NLRP3: variants seen among roughly 807,000 people sequenced by gnomAD.
NLRP3 encodes the protein NACHT, LRR and PYD domains-containing protein 3.
NLRP3 carries 48 observed loss-of-function variants against 91.3 expected under a neutral mutation model. The observed-to-expected ratio is 0.53, with a 90% CI of 0.42 to 0.67. The LOEUF (loss-of-function observed/expected upper bound fraction) is 0.67, where lower values mean the gene tolerates loss of function less well. Ranked by LOEUF, NLRP3 falls within the 30% of genes least tolerant of loss-of-function variation. The pLI, the probability that NLRP3 is intolerant of heterozygous loss-of-function variation, is 0.00. For missense variants in NLRP3, 982 were observed against 1,276.9 expected, an observed-to-expected ratio of 0.77 and a Z score of 3.52; for synonymous variants, 561 against 507.9, an observed-to-expected ratio of 1.10 and a Z score of -1.41.
At chr1:247,419,341 G>A (rs1203175423) in intron 2 of NLRP3, among the ~76,000 whole-genome samples, 1 of 151,922 alleles carries the variant, frequency 6.6e-6, no homozygotes, top group Non-Finnish European at 1.5e-5. Context: ...TTTTAGTAGA[G>A]ATGGGGTTTC....
chr1:247,423,923 G>T lies in NLRP3; in HGVS notation c.474G>T (p.Glu158Asp), dbSNP rs1402076908. The change falls in exon 4 of 10, where the codon GAG becomes GAT. Residue 158 changes from glutamate (E) to aspartate (D), a missense_variant. Physicochemically the swap from Glu to Asp is conservative, Grantham distance 45. Around this residue, in one of 5 missense-constraint regions of NLRP3, gnomAD observed 548 missense variants for 713.7 expected, o/e 0.77. Coordinates refer to ENST00000336119, the MANE Select transcript of NLRP3 (RefSeq NM_001243133.2). ...CIEDRNARLG[E>D]SVSLNKRYTR... ...AAGACAGGAATGCCCGTCTGGGTGA[G>T]AGTGTGAGCCTCAACAAACGCTACA... The T allele has an allele frequency of 6.2e-7, 1 of 1,614,056 alleles. No individual in the cohort carries two copies. The highest frequency in any genetic ancestry group is 1.7e-5 in the Admixed American group (1 of 59,996).
intron 5 of NLRP3, among the ~76,000 whole-genome samples, chr1:247,431,327 G>C (rs377356107): frequency 6.6e-6 from 1 of 152,284 alleles, no homozygotes; most frequent in South Asian, 2.1e-4. Context: ...GCATGCAGGC[G>C]TCTGCATTTT....
intron 9 of NLRP3, among the ~76,000 whole-genome samples, chr1:247,448,055 G>C (rs998318732): frequency 6.6e-6 from 1 of 151,712 alleles, no homozygotes; most frequent in Non-Finnish European, 1.5e-5. Flanking sequence ...GCCGTGGGAG[G>C]GGCCTCCTCT....
Position 247,418,597 on chromosome 1 carries a change from C to A in NLRP3, c.-204C>A. The A allele has an allele frequency of 1.6e-6, 1 of 643,078 alleles. No individual in the cohort carries two copies. Among genetic ancestry groups the A allele is most frequent in the Non-Finnish European group, 2.7e-6 (1 of 375,432 alleles). The allele number at this position is 643,078 out of a possible 1,614,324, so 39.8% of individuals were successfully genotyped here. ...GATTACAGGCGTGAGCCACTGTGCC[C>A]GGCCTTGGCTAACTTTTCAAAATTA... On this transcript the variant is annotated 5_prime_UTR_variant, in exon 2 of 10. Transcript: ENST00000336119.
intron 4 of NLRP3, among the ~76,000 whole-genome samples, 166 bp from the exon 5 acceptor site, chr1:247,429,419 T>C (rs549064763): frequency 2.0e-5 from 3 of 152,340 alleles, no homozygotes; most frequent in Admixed American, 1.3e-4. Context: ...CCAAGGCTCA[T>C]CCAGCCCTCT....
intron 2 of NLRP3, 120 bp downstream of exon 2, chr1:247,419,197 C>T (rs1662281066): frequency 6.4e-6 from 4 of 623,650 alleles, no homozygotes; most frequent in Non-Finnish European, 2.2e-6. Flanking sequence ...TCTTGTTGCC[C>T]AGGCTGGAGT....
intron 7 of NLRP3, 132 bp from the exon 8 acceptor site, chr1:247,443,840 T>C: frequency 2.4e-6 from 2 of 830,712 alleles, no homozygotes; most frequent in Non-Finnish European, 4.0e-6. Context: ...AGATCATATC[T>C]GAGATGCTGG....
chr1:247,447,425 C>T (rs986434271), intron 9 of NLRP3, among the ~76,000 whole-genome samples: 7 of 152,172 alleles, frequency 4.6e-5, no homozygotes, highest in African/African-American at 1.7e-4. Flanking sequence ...AAGTACCGTA[C>T]ATTAGGGGTT....
chr1:247,447,962 C>T (rs912026339), intron 9 of NLRP3, among the ~76,000 whole-genome samples: 3 of 151,712 alleles, frequency 2.0e-5, no homozygotes, highest in African/African-American at 7.3e-5. Context: ...TAACATTTTC[C>T]CAACTAGATA....
Position 247,434,273 on chromosome 1 carries a change from G to T in NLRP3, c.2492G>T (p.Trp831Leu). The T allele has an allele frequency of 6.2e-7, 1 of 1,614,158 alleles. No homozygotes were observed. ...CTGTTGTGCAATCTGAAGAAGCTCT[G>T]GTGAGTCGAGCCCGTTCCCCTAAGG... ...KHLLCNLKKL[W>L]LVSCCLTSAC... The change falls in exon 6 of 10, where the codon TGG (tryptophan) becomes TTG (leucine). Residue 831 changes from tryptophan to leucine, a missense_variant and splice_region_variant. This residue lies in a region of NLRP3 where 373 missense variants were observed against 431.5 expected (regional missense o/e 0.86). Coordinates refer to ENST00000336119, the MANE Select transcript of NLRP3 (RefSeq NM_001243133.2).
intron 5 of NLRP3, among the ~76,000 whole-genome samples, chr1:247,432,765 A>G (rs930577207): frequency 6.6e-6 from 1 of 152,172 alleles, no homozygotes; most frequent in African/African-American, 2.4e-5. Flanking sequence ...ATTGCCCTGG[A>G]AAGAAGCTAG....
At chr1:247,427,118 G>A (rs1662947296) in intron 4 of NLRP3, among the ~76,000 whole-genome samples, 1 of 152,136 alleles carries the variant, frequency 6.6e-6, no homozygotes, top group Non-Finnish European at 1.5e-5. Context: ...TTTGGTGAGG[G>A]CCTGTTCCCT....
chr1:247,436,092 T>C lies in NLRP3; in HGVS notation c.2615T>C (p.Ile872Thr). The C allele has an allele frequency of 6.2e-7, 1 of 1,614,174 alleles. No homozygotes were observed. ...GCCTTGGGAGACTCAGGAGTCGCAATTTTATGTGAAAAAGCCAAGAATCCA... is the reference window on the plus strand; with the variant it reads ...GCCTTGGGAGACTCAGGAGTCGCAACTTTATGTGAAAAAGCCAAGAATCCA... ...ENALGDSGVAILCEKAKNPQC... is the reference protein window; with the variant it reads ...ENALGDSGVATLCEKAKNPQC... The change falls in exon 7 of 10, where the codon ATT becomes ACT. Residue 872 changes from isoleucine (I) to threonine (T), a missense_variant. Ile to Thr is a moderately conservative substitution (Grantham distance 89, BLOSUM62 -1). Around this residue, in one of 5 missense-constraint regions of NLRP3, gnomAD observed 373 missense variants for 431.5 expected, o/e 0.86. Transcript: ENST00000336119.
At chr1:247,432,300 A>T (rs925056468) in intron 5 of NLRP3, among the ~76,000 whole-genome samples, 15 of 119,056 alleles carry the variant, frequency 1.3e-4, no homozygotes, top group African/African-American at 4.3e-4. Context: ...TCCATGCTCT[A>T]TGGATGTTAC....
intron 5 of NLRP3, among the ~76,000 whole-genome samples, chr1:247,433,064 A>G (rs1663458598): frequency 6.6e-6 from 1 of 151,784 alleles, no homozygotes; most frequent in Non-Finnish European, 1.5e-5. Context: ...TAAAATGGCT[A>G]AGCATGGTAG....
intron 9 of NLRP3, among the ~76,000 whole-genome samples, chr1:247,446,038 C>G (rs74974762): frequency 3.9e-5 from 6 of 152,162 alleles, no homozygotes; most frequent in African/African-American, 1.4e-4. Flanking sequence ...CTCTTCTACC[C>G]GAAACCTGAT....
chr1:247,439,431 G>C (rs1436698092), intron 7 of NLRP3, among the ~76,000 whole-genome samples: 3 of 152,128 alleles, frequency 2.0e-5, no homozygotes, highest in African/African-American at 7.2e-5. Context: ...GACACATTTT[G>C]CCATTCCTTG....
At chr1:247,431,212 A>AATAATAATAATAATAAT (rs547689900) in intron 5 of NLRP3, among the ~76,000 whole-genome samples, 310 of 150,518 alleles carry the variant, frequency 2.1e-3, no homozygotes, top group African/African-American at 7.4e-3. Context: ...ATAATAATAA[A>AATAATAATAATAATAAT]AAATGTGCTT....
intron 5 of NLRP3, among the ~76,000 whole-genome samples, chr1:247,433,446 G>T (rs1663494064): frequency 6.6e-6 from 1 of 152,210 alleles, no homozygotes; most frequent in South Asian, 2.1e-4. Context: ...CAAACCAGGA[G>T]CGCACCATTC....
Sources: allele counts gnomAD v4.1 joint callset (sites outside exome capture counted in the v4.1 genomes callset), GRCh38; gene constraint gnomAD v4.1.1; regional missense constraint gnomAD v4.1.1; transcripts MANE v1.5; gene names NCBI Gene and HGNC (gene_info 2026-07-23, HGNC 2026-07-21).